The following LMNA variants were observed in gnomAD, a reference collection of about 807,000 sequenced individuals.
LMNA encodes the protein lamin A/C.
In LMNA, 20 loss-of-function variants were observed where a neutral mutation model predicts 70.4. That is an observed-to-expected ratio of 0.28 (90% CI 0.20 to 0.41). LMNA has a LOEUF of 0.41. LMNA is among the 10% of genes least tolerant of loss of function. The probability of loss-of-function intolerance (pLI) is 1.00; values close to 1 mark genes in which losing one functional copy is unlikely to be tolerated. For missense variants in LMNA, 652 were observed against 917.2 expected (o/e 0.71, Z 3.73); for synonymous variants, 339 against 372.8 (o/e 0.91, Z 1.04).
upstream of LMNA, among the ~76,000 whole-genome samples, chr1:156,110,164 T>G (rs1649484490): frequency 6.6e-6 from 1 of 152,166 alleles, no homozygotes; most frequent in African/African-American, 2.4e-5. Flanking sequence ...CTTTATATTT[T>G]TATTTCCATA....
Position 156,121,892 on chromosome 1 carries a change from C to T in LMNA, c.356+6618C>T, listed in dbSNP as rs528453087. Among the ~76,000 whole-genome samples, 12 of 152,200 alleles carry T rather than the reference C, an allele frequency of 7.9e-5. No homozygotes were observed. In the East Asian group the frequency reaches 1.4e-3, roughly 17 times the overall value. ...AAGGCAAGCCGGGCGCAGTGGCTCA[C>T]GCCTGTAATCCCAGCACTTTGAGAA... On this transcript the variant is annotated intron_variant, in intron 1 of 11. Transcript: ENST00000368300.
rs551879085 is a variant in LMNA, at chr1:156,122,788, G to A, written c.356+7514G>A. On this transcript the variant is annotated intron_variant, in intron 1 of 11. Coordinates refer to ENST00000368300, the MANE Select transcript of LMNA (RefSeq NM_170707.4). ...TGCCTGGAACCGGGGGGAGGGGCAC[G>A]GTGACCTTGGGCTGCCCACCTTCTA... is the stretch of plus-strand genomic sequence containing the variant. 2.7e-3 allele frequency among the ~76,000 whole-genome samples: 415 copies of A among 152,292 alleles called. 2 individuals carry two copies. The highest frequency in any genetic ancestry group is 9.5e-3 in the African/African-American group (394 of 41,564).
intron 2 of LMNA, among the ~76,000 whole-genome samples, chr1:156,087,950 C>A (rs899003397): frequency 6.6e-6 from 1 of 151,752 alleles, no homozygotes; most frequent in Non-Finnish European, 1.5e-5. Context: ...CAGCTCACTG[C>A]AACCTCCGCC....
chr1:156,095,103 A>G (rs772199953), intron 3 of LMNA, among the ~76,000 whole-genome samples: 7 of 151,626 alleles, frequency 4.6e-5, no homozygotes, highest in Non-Finnish European at 8.8e-5. Flanking sequence ...TAATTTTTGT[A>G]TTTTTATTAG....
intron 2 of LMNA, among the ~76,000 whole-genome samples, chr1:156,089,540 C>T (rs1572310417): frequency 2.6e-5 from 4 of 151,398 alleles, no homozygotes; most frequent in Admixed American, 6.6e-5. Flanking sequence ...ATGATCTGCC[C>T]GCCTTGGCCT....
chr1:156,091,263 TG>T (rs918453834), intron 3 of LMNA, among the ~76,000 whole-genome samples: 1 of 152,202 alleles, frequency 6.6e-6, no homozygotes, highest in Non-Finnish European at 1.5e-5. Flanking sequence ...CCAACTGACC[TG>T]GGTCTGAAGG....
rs766309567 is a variant in LMNA at position 156,135,169 on chromosome 1, C to G, written c.811-18C>G. 1.9e-5 allele frequency: 31 copies of G among 1,613,906 alleles called. No homozygotes were observed. The African/African-American group carries it at 2.3e-4, about 12-fold the overall frequency. On this transcript the variant is annotated intron_variant, in intron 4 of 11. Coordinates refer to ENST00000368300, the MANE Select transcript of LMNA (RefSeq NM_170707.4). The surrounding 1 kb of genome is among the most constrained non-coding windows in gnomAD (Gnocchi z 4.8). ...CCTCCCAGTCACCACAGTCCTAACC[C>G]TTTGTCCTCCCCTCCAGCTGGACAA...
intron 3 of LMNA, among the ~76,000 whole-genome samples, chr1:156,101,660 G>A (rs1649147835): frequency 7.5e-6 from 1 of 133,282 alleles, no homozygotes; most frequent in Non-Finnish European, 1.6e-5. Context: ...GGGAGGGAGG[G>A]AGGGAGGGAG....
intron 1 of LMNA, among the ~76,000 whole-genome samples, chr1:156,125,695 A>G (rs1356513232): frequency 6.7e-6 from 1 of 150,258 alleles, no homozygotes; most frequent in Non-Finnish European, 1.5e-5. Flanking sequence ...TCTCAAAAAT[A>G]ATAATAATAG....
chr1:156,118,258 C>T (rs2102827242), intron 1 of LMNA, among the ~76,000 whole-genome samples: 1 of 152,302 alleles, frequency 6.6e-6, no homozygotes, highest in South Asian at 2.1e-4. Context: ...CTGTGAAGGA[C>T]ATTTTTAGCA....
chr1:156,092,197 C>G (rs1016951768), intron 3 of LMNA, among the ~76,000 whole-genome samples: 1 of 151,694 alleles, frequency 6.6e-6, no homozygotes, highest in African/African-American at 2.4e-5. Context: ...GGATTACAGG[C>G]GTGAGCCACA....
At position 156,139,154 on chromosome 1, in the gene LMNA, C is replaced by A. The variant is rs1423135266; in HGVS notation, c.*48C>A. ...TGGGGGTGGAGGCTTCCTGCGTCCT[C>A]CTCACCTCATGCCCACCCCCTGCCC... On this transcript the variant is annotated 3_prime_UTR_variant, in exon 12 of 12. Transcript: ENST00000368300. 2 of 1,613,006 alleles carry A rather than the reference C, an allele frequency of 1.2e-6. No individual in the cohort carries two copies. The highest frequency in any genetic ancestry group is 1.3e-5 in the African/African-American group (1 of 75,002).
intron 2 of LMNA, among the ~76,000 whole-genome samples, chr1:156,090,310 T>C (rs766770697): frequency 1.3e-5 from 2 of 152,164 alleles, no homozygotes; most frequent in Non-Finnish European, 2.9e-5. Context: ...CAGAGGAGAC[T>C]GAGGCCCAGA....
chr1:156,129,599 T>C (rs75820612), intron 1 of LMNA, among the ~76,000 whole-genome samples: 385 of 152,316 alleles, frequency 2.5e-3, no homozygotes, highest in African/African-American at 8.8e-3. Flanking sequence ...CTCTGGATCT[T>C]TCCCTCCGCT....
chr1:156,131,361 C>A (rs1183887693), intron 2 of LMNA, among the ~76,000 whole-genome samples: 1 of 151,858 alleles, frequency 6.6e-6, no homozygotes, highest in Non-Finnish European at 1.5e-5. Context: ...GCCAAGGAGG[C>A]AGGATTGCTT....
intron 11 of LMNA, 70 bp from the exon 12 acceptor site, chr1:156,139,010 G>A (rs1651900159): frequency 6.5e-7 from 1 of 1,543,878 alleles, no homozygotes; most frequent in African/African-American, 1.4e-5. Flanking sequence ...TCCCTTCTAG[G>A]GGCCAGGGGA....
chr1:156,097,130 A>G (rs901663688), intron 3 of LMNA, among the ~76,000 whole-genome samples: 1 of 152,210 alleles, frequency 6.6e-6, no homozygotes, highest in African/African-American at 2.4e-5. Context: ...GCTGAGATCT[A>G]GGAACCAGAC....
In LMNA at chr1:156,097,763, A is replaced by G. The variant is rs1261495988; in HGVS notation, c.-207+7181A>G. On this transcript the variant is annotated intron_variant, in intron 3 of 12. Coordinates refer to the LMNA transcript ENST00000368301. ...TGCCCTATGCGAGCCCAACACTGAT[A>G]CGGAGGAAAGCTGGCCAACTGCATG... 2.6e-5 allele frequency among the ~76,000 whole-genome samples: 4 copies of G among 152,226 alleles called. 1 individual carries two copies. The highest frequency in any genetic ancestry group is 5.9e-5 in the Non-Finnish European group (4 of 68,036).
In LMNA at chr1:156,136,008, G is replaced by C; in HGVS notation, c.1044G>C (p.Met348Ile). 1 of 1,614,188 alleles carries C rather than the reference G, an allele frequency of 6.2e-7. No homozygotes were observed. The highest frequency in any genetic ancestry group is 8.5e-7 in the Non-Finnish European group (1 of 1,180,046). ...AAAAGGAGCGGGAGATGGCCGAGATGCGGGCAAGGATGCAGCAGCAGCTGG... is the reference window on the plus strand; with the variant it reads ...AAAAGGAGCGGGAGATGGCCGAGATCCGGGCAAGGATGCAGCAGCAGCTGG... ...LAEKEREMAE[M>I]RARMQQQLDE... Residue 348 changes from methionine to isoleucine, a missense_variant, in exon 6 of 12, where the codon ATG (methionine) becomes ATC (isoleucine). This residue lies in a region of LMNA where 33 missense variants were observed against 75.3 expected (regional missense o/e 0.44). Coordinates refer to ENST00000368300, the MANE Select transcript of LMNA (RefSeq NM_170707.4). This position sits in a 1 kb window ranked among gnomAD's most constrained non-coding sequence, Gnocchi z 6.1.
Sources: allele counts gnomAD v4.1 joint callset (sites outside exome capture counted in the v4.1 genomes callset), GRCh38; gene constraint gnomAD v4.1.1; regional missense constraint gnomAD v4.1.1; non-coding constraint Gnocchi (gnomAD v3.1); transcripts MANE v1.5; gene names NCBI Gene and HGNC (gene_info 2026-07-23, HGNC 2026-07-21).